Variants in STAU2 observed in about 807,000 individuals in gnomAD.
STAU2 encodes staufen double-stranded RNA binding protein 2, also known as double-stranded RNA-binding protein Staufen homolog 2.
A neutral mutation model predicts 65.9 loss-of-function variants in STAU2; 20 were observed. That is an observed-to-expected ratio of 0.30 (90% CI 0.21 to 0.44). STAU2 has a LOEUF of 0.44. Among genes scored for constraint, STAU2 ranks in the 20% least tolerant of loss-of-function variants. The pLI is 1.00. For synonymous variants in STAU2, 232 were observed against 233.9 expected (o/e 0.99, Z 0.07); for missense variants, 558 against 683.9 (o/e 0.82, Z 2.05).
At chr8:73,670,028 G>T (rs183758621) in intron 6 of STAU2, among the ~76,000 whole-genome samples, 1 of 152,128 alleles carries the variant, frequency 6.6e-6, no homozygotes, top group Admixed American at 6.5e-5. Context: ...TATATAATAG[G>T]CTAGGTGTTC....
At chr8:73,603,939 T>C in intron 9 of STAU2, 76 bp from the exon 10 acceptor site, 2 of 1,461,560 alleles carry the variant, frequency 1.4e-6, no homozygotes, top group Admixed American at 2.4e-5. Flanking sequence ...AAACAGTGCT[T>C]CTTCCCTCCA....
chr8:73,701,780 C>T (rs1016312106), intron 4 of STAU2, among the ~76,000 whole-genome samples: 1 of 152,142 alleles, frequency 6.6e-6, no homozygotes, highest in African/African-American at 2.4e-5. Flanking sequence ...TATCTACACT[C>T]CCATGTTTTT....
Position 73,476,460 on chromosome 8 carries a change from G to A in STAU2, c.1531-53758C>T, listed in dbSNP as rs1820331373. Among the ~76,000 whole-genome samples the A allele has an allele frequency of 2.0e-5, 3 of 152,124 alleles. No homozygotes were observed. In the South Asian group the frequency reaches 6.2e-4, roughly 32 times the overall value. On this transcript the variant is annotated intron_variant, in intron 13 of 14. Coordinates refer to ENST00000524300, the MANE Select transcript of STAU2 (RefSeq NM_001164380.2). ...CTAACTCACTTGCTATAGAACAAAA[G>A]AAGTTCATTATTTTTCAACTGCCTT... is the stretch of plus-strand genomic sequence containing the variant.
At chr8:73,668,945 TA>T in intron 6 of STAU2, 3 of 670,872 alleles carry the variant, frequency 4.5e-6, no homozygotes. Context: ...AAGTAGAAAA[TA>T]AAAGGACCTT....
At chr8:73,721,457 A>T (rs910151546) in intron 3 of STAU2, among the ~76,000 whole-genome samples, 1 of 152,164 alleles carries the variant, frequency 6.6e-6, no homozygotes, top group Non-Finnish European at 1.5e-5. Flanking sequence ...CAAGTCTACT[A>T]TATCTTTGAT....
At chr8:73,634,249 TTTTA>T (rs1180878937) in intron 6 of STAU2, among the ~76,000 whole-genome samples, 6 of 152,122 alleles carry the variant, frequency 3.9e-5, no homozygotes, top group Non-Finnish European at 5.9e-5. Flanking sequence ...GCAAAACGGT[TTTTA>T]TTTATTTATT....
At chr8:73,510,732 T>C (rs1424826823) in intron 13 of STAU2, among the ~76,000 whole-genome samples, 1 of 152,134 alleles carries the variant, frequency 6.6e-6, no homozygotes, top group African/African-American at 2.4e-5. Flanking sequence ...ATAAATCCAT[T>C]AGATCTCCTG....
intron 12 of STAU2, among the ~76,000 whole-genome samples, chr8:73,581,824 G>A (rs1810006912): frequency 6.6e-6 from 1 of 152,098 alleles, no homozygotes; most frequent in Non-Finnish European, 1.5e-5. Flanking sequence ...ATTCTTATGA[G>A]CATACTTTGA....
intron 13 of STAU2, among the ~76,000 whole-genome samples, chr8:73,424,366 A>G (rs915969740): frequency 1.3e-5 from 2 of 151,584 alleles, no homozygotes; most frequent in Non-Finnish European, 2.9e-5. Flanking sequence ...ACACCCAGCT[A>G]ATTTTTGTAT....
chr8:73,586,838 GAAC>G (rs900048842), intron 11 of STAU2, among the ~76,000 whole-genome samples: 2 of 151,438 alleles, frequency 1.3e-5, no homozygotes, highest in Admixed American at 1.3e-4. Flanking sequence ...CTAGAAAACA[GAAC>G]AACAACAAAA....
chr8:73,422,101 G>A (rs918019701), intron 14 of STAU2, among the ~76,000 whole-genome samples: 2 of 152,042 alleles, frequency 1.3e-5, no homozygotes, highest in East Asian at 1.9e-4. Flanking sequence ...TCTTTTGCCC[G>A]TGTAGCCCTT....
intron 3 of STAU2, among the ~76,000 whole-genome samples, chr8:73,736,410 G>A (rs1347079234): frequency 6.6e-6 from 1 of 152,152 alleles, no homozygotes; most frequent in Non-Finnish European, 1.5e-5. Flanking sequence ...GAAACAAACT[G>A]TCTAACAAGG....
chr8:73,569,718 C>A (rs1472770109), intron 12 of STAU2, among the ~76,000 whole-genome samples: 4 of 152,190 alleles, frequency 2.6e-5, no homozygotes, highest in Non-Finnish European at 5.9e-5. Context: ...GGACCTCCAG[C>A]AAACTCCAAC....
chr8:73,562,364 T>C (rs1386182818), intron 12 of STAU2, among the ~76,000 whole-genome samples: 1 of 152,170 alleles, frequency 6.6e-6, no homozygotes, highest in Non-Finnish European at 1.5e-5. Context: ...CATGCACCTG[T>C]AGTCCCAGCT....
At chr8:73,745,798 A>C (rs1807227833) in intron 1 of STAU2, among the ~76,000 whole-genome samples, 1 of 152,144 alleles carries the variant, frequency 6.6e-6, no homozygotes, top group South Asian at 2.1e-4. Context: ...GACCCTTACC[A>C]AAGAAAATTA....
chr8:73,578,647 G>A (rs981307470), intron 12 of STAU2, among the ~76,000 whole-genome samples: 2 of 152,130 alleles, frequency 1.3e-5, no homozygotes, highest in Non-Finnish European at 2.9e-5. Flanking sequence ...CGGGACCTTT[G>A]TTTGAAAACA....
rs897885380 is a variant in STAU2 at position 73,423,619 on chromosome 8, G to A, written c.1531-917C>T. ...TGTCTTCTCAGCTGCCTTTGAAAAC[G>A]AGCTAGCTCTTGGCGGTTTCCCAAA... is the stretch of plus-strand genomic sequence containing the variant. On this transcript the variant is annotated intron_variant, in intron 13 of 14. Coordinates refer to ENST00000524300, the MANE Select transcript of STAU2 (RefSeq NM_001164380.2). Among the ~76,000 whole-genome samples the A allele has an allele frequency of 3.9e-5, 6 of 152,288 alleles. No individual in the cohort carries two copies. The East Asian group carries it at 9.7e-4, about 24-fold the overall frequency.
intron 13 of STAU2, among the ~76,000 whole-genome samples, chr8:73,495,269 C>T (rs1286552172): frequency 1.3e-5 from 2 of 151,342 alleles, no homozygotes; most frequent in Non-Finnish European, 3.0e-5. Context: ...TTTTAAGTAC[C>T]TGTTAAGTGC....
intron 12 of STAU2, among the ~76,000 whole-genome samples, chr8:73,559,825 T>C (rs892458406): frequency 3.3e-5 from 5 of 152,162 alleles, no homozygotes; most frequent in Non-Finnish European, 5.9e-5. Flanking sequence ...GTCTTCCAGA[T>C]AAGGCCCTCA....
Sources: gnomAD v4.1 joint callset for allele counts (sites outside exome capture counted in the v4.1 genomes callset) on GRCh38, gnomAD v4.1.1 for gene constraint, MANE v1.5 for transcripts, NCBI Gene and HGNC (gene_info 2026-07-23, HGNC 2026-07-21) for gene names.